Variants in NAALADL2 observed in about 807,000 individuals in gnomAD.
NAALADL2 encodes the protein inactive N-acetylated-alpha-linked acidic dipeptidase-like protein 2.
NAALADL2 carries 76 observed loss-of-function variants against 87.2 expected under a neutral mutation model. The ratio of observed to expected loss-of-function variants is 0.87; its 90% CI spans 0.72 to 1.05. NAALADL2 has a LOEUF of 1.05. NAALADL2 is among the 50% of genes least tolerant of loss of function. The probability of loss-of-function intolerance (pLI) is 0.00; values close to 1 mark genes in which losing one functional copy is unlikely to be tolerated. For missense variants in NAALADL2, 1,089 were observed against 945.8 expected (o/e 1.15, Z -1.99); for synonymous variants, 354 against 331.0 (o/e 1.07, Z -0.75).
intron 1 of NAALADL2, among the ~76,000 whole-genome samples, chr3:175,044,679 T>C (rs1434174487): frequency 1.3e-5 from 2 of 152,126 alleles, no homozygotes; most frequent in African/African-American, 4.8e-5. Flanking sequence ...ACTACATTTA[T>C]ATAATTATTA....
intron 11 of NAALADL2, among the ~76,000 whole-genome samples, chr3:175,630,181 A>G (rs565277945): frequency 1.3e-5 from 2 of 151,952 alleles, no homozygotes; most frequent in South Asian, 2.1e-4. Context: ...CTGAGAAACC[A>G]TAAAATGAAG....
chr3:175,390,896 C>CTGTA (rs1768990028), intron 5 of NAALADL2, among the ~76,000 whole-genome samples: 1 of 152,120 alleles, frequency 6.6e-6, no homozygotes, highest in African/African-American at 2.4e-5. Context: ...CAATCTGCAC[C>CTGTA]TGTACTAAGT....
At chr3:175,794,104 A>G (rs1291636735) in intron 13 of NAALADL2, among the ~76,000 whole-genome samples, 1 of 152,220 alleles carries the variant, frequency 6.6e-6, no homozygotes, top group Admixed American at 6.5e-5. Flanking sequence ...AGAACAATGG[A>G]AAAAGGACAA....
chr3:175,664,956 G>A (rs1043513551), intron 11 of NAALADL2, among the ~76,000 whole-genome samples: 1 of 152,002 alleles, frequency 6.6e-6, no homozygotes, highest in Non-Finnish European at 1.5e-5. Context: ...TCATTTTGAT[G>A]GTCCCTTAAC....
intron 4 of NAALADL2, among the ~76,000 whole-genome samples, chr3:175,290,854 T>G (rs1304954587): frequency 1.3e-5 from 2 of 152,148 alleles, no homozygotes; most frequent in Non-Finnish European, 2.9e-5. Flanking sequence ...TCTTGGTGAA[T>G]GGAAATGTGT....
intron 2 of NAALADL2, among the ~76,000 whole-genome samples, chr3:175,163,445 T>G (rs1733533141): frequency 6.6e-6 from 1 of 151,924 alleles, no homozygotes; most frequent in African/African-American, 2.4e-5. Flanking sequence ...TTGTATGGTA[T>G]TTGGAAATTT....
chr3:175,247,332 G>T (rs1224188672), intron 3 of NAALADL2, among the ~76,000 whole-genome samples: 1 of 151,914 alleles, frequency 6.6e-6, no homozygotes, highest in East Asian at 1.9e-4. Flanking sequence ...TTTCATTATA[G>T]TTAGGCATTG....
intron 11 of NAALADL2, among the ~76,000 whole-genome samples, chr3:175,644,578 G>C (rs9854175): frequency 0.27 from 41,687 of 151,898 alleles, 6,775 homozygotes; most frequent in African/African-American, 0.46. Context: ...TTTCTGGGCT[G>C]TTGATCCTAT....
intron 1 of NAALADL2, among the ~76,000 whole-genome samples, chr3:175,090,377 A>T (rs978774950): frequency 4.6e-5 from 7 of 151,934 alleles, no homozygotes; most frequent in African/African-American, 1.7e-4. Flanking sequence ...TAATTCTGAT[A>T]TTTAAAAACT....
At chr3:174,954,864 G>C (rs538949433) in intron 1 of NAALADL2, among the ~76,000 whole-genome samples, 2 of 152,144 alleles carry the variant, frequency 1.3e-5, no homozygotes, top group Admixed American at 6.6e-5. Context: ...TGTAATTAAA[G>C]CTTCTCTAAC....
chr3:175,580,606 G>A (rs1421341862), intron 10 of NAALADL2, among the ~76,000 whole-genome samples: 1 of 152,192 alleles, frequency 6.6e-6, no homozygotes, highest in East Asian at 1.9e-4. Context: ...GATGAAATCT[G>A]TTTCATGTGG....
chr3:174,538,461 T>C (rs1050172561), intron 1 of NAALADL2, among the ~76,000 whole-genome samples: 3 of 152,096 alleles, frequency 2.0e-5, no homozygotes, highest in Non-Finnish European at 4.4e-5. Flanking sequence ...TGACAGCTGG[T>C]CCTAAAAGAA....
intron 2 of NAALADL2, among the ~76,000 whole-genome samples, chr3:174,733,526 G>A (rs1732904669): frequency 6.6e-6 from 1 of 152,200 alleles, no homozygotes; most frequent in Admixed American, 6.5e-5. Context: ...TAGGAAAAGA[G>A]CCCCATGTGG....
chr3:175,443,712 TA>T (rs1385730425), intron 5 of NAALADL2, among the ~76,000 whole-genome samples: 1 of 152,226 alleles, frequency 6.6e-6, no homozygotes, highest in Non-Finnish European at 1.5e-5. Flanking sequence ...GAACTCCCGT[TA>T]TGTACCTGAC....
intron 3 of NAALADL2, among the ~76,000 whole-genome samples, chr3:174,753,656 T>C (rs1711567819): frequency 6.6e-6 from 1 of 152,136 alleles, no homozygotes; most frequent in Non-Finnish European, 1.5e-5. Flanking sequence ...CAGAATTGAA[T>C]AGTATGTGTG....
chr3:174,544,674 G>A (rs370226792), intron 1 of NAALADL2, among the ~76,000 whole-genome samples: 3 of 148,208 alleles, frequency 2.0e-5, no homozygotes, highest in East Asian at 2.0e-4. Context: ...GGGTTCCAGC[G>A]ATTCTCCTGC....
At chr3:175,692,855 T>C (rs974238933) in intron 11 of NAALADL2, among the ~76,000 whole-genome samples, 1 of 152,174 alleles carries the variant, frequency 6.6e-6, no homozygotes, top group African/African-American at 2.4e-5. Flanking sequence ...CAGTTTATTT[T>C]TGGAGAGGGG....
At chr3:174,452,949 A>T (rs927105518) in intron 1 of NAALADL2, among the ~76,000 whole-genome samples, 37 of 152,278 alleles carry the variant, frequency 2.4e-4, no homozygotes, top group African/African-American at 8.2e-4. Flanking sequence ...CTGACGTGAC[A>T]GAAATAGAAT....
intron 5 of NAALADL2, among the ~76,000 whole-genome samples, chr3:175,391,773 G>A (rs1769106808): frequency 6.6e-6 from 1 of 151,990 alleles, no homozygotes; most frequent in Non-Finnish European, 1.5e-5. Flanking sequence ...ACTAAGGCAG[G>A]ATCTTTTTCT....
Sources: allele counts gnomAD v4.1 joint callset (sites outside exome capture counted in the v4.1 genomes callset), GRCh38; gene constraint gnomAD v4.1.1; transcripts MANE v1.5; gene names NCBI Gene and HGNC (gene_info 2026-07-23, HGNC 2026-07-21).